The following L3MBTL4 variants were observed in gnomAD, a reference collection of about 807,000 sequenced individuals.
L3MBTL4 encodes lethal(3)malignant brain tumor-like protein 4.
A neutral mutation model predicts 84.5 loss-of-function variants in L3MBTL4; 70 were observed. That is an observed-to-expected ratio of 0.83 (90% CI 0.68 to 1.01). The LOEUF is 1.01. Among genes scored for constraint, L3MBTL4 ranks in the 50% least tolerant of loss-of-function variants. The pLI is 0.00. For synonymous variants in L3MBTL4, 274 were observed against 259.8 expected, an observed-to-expected ratio of 1.05 and a Z score of -0.52; for missense variants, 715 against 754.8, an observed-to-expected ratio of 0.95 and a Z score of 0.62.
chr18:5,967,576 A>G (rs1175848092), intron 17 of L3MBTL4, among the ~76,000 whole-genome samples: 2 of 152,190 alleles, frequency 1.3e-5, no homozygotes, highest in Non-Finnish European at 2.9e-5. Flanking sequence ...CATTCATTCA[A>G]CACACATTTA....
At chr18:5,964,350 T>G (rs1030967708) in intron 17 of L3MBTL4, among the ~76,000 whole-genome samples, 1 of 152,222 alleles carries the variant, frequency 6.6e-6, no homozygotes, top group African/African-American at 2.4e-5. Flanking sequence ...GCAGGACTCA[T>G]GTTCTTCCGT....
intron 12 of L3MBTL4, among the ~76,000 whole-genome samples, chr18:6,186,494 A>G (rs1381077932): frequency 6.6e-6 from 1 of 152,198 alleles, no homozygotes; most frequent in Non-Finnish European, 1.5e-5. Context: ...TGGGGAGGAC[A>G]TGGGATAAAC....
chr18:6,324,511 C>T (rs2051610753), intron 1 of L3MBTL4, among the ~76,000 whole-genome samples: 1 of 152,234 alleles, frequency 6.6e-6, no homozygotes, highest in Non-Finnish European at 1.5e-5. Flanking sequence ...AGGCACTCAA[C>T]TCAGGCTTGT....
At chr18:6,212,166 T>C (rs546345880) in intron 12 of L3MBTL4, among the ~76,000 whole-genome samples, 17 of 152,284 alleles carry the variant, frequency 1.1e-4, no homozygotes, top group African/African-American at 4.1e-4. Context: ...TTTAACATAG[T>C]TTTTGTTTTC....
intron 12 of L3MBTL4, among the ~76,000 whole-genome samples, chr18:6,182,713 T>C (rs2044532031): frequency 6.6e-6 from 1 of 152,240 alleles, no homozygotes; most frequent in South Asian, 2.1e-4. Context: ...AGTTTATTTT[T>C]GTACATGGTG....
intron 16 of L3MBTL4, among the ~76,000 whole-genome samples, chr18:5,982,646 T>C (rs377113829): frequency 6.6e-6 from 1 of 152,296 alleles, no homozygotes. Flanking sequence ...TATAAATTAG[T>C]TCATTTCAGA....
chr18:6,194,345 C>A (rs1305387299), intron 12 of L3MBTL4, among the ~76,000 whole-genome samples: 1 of 152,196 alleles, frequency 6.6e-6, no homozygotes, highest in Admixed American at 6.5e-5. Context: ...GCCTTCCCGC[C>A]TCTGTAAACC....
At chr18:6,077,128 C>T (rs1003068439) in intron 16 of L3MBTL4, among the ~76,000 whole-genome samples, 2 of 152,196 alleles carry the variant, frequency 1.3e-5, no homozygotes, top group South Asian at 2.1e-4. Flanking sequence ...AAGGGGCTCG[C>T]GGTGTTGCCA....
intron 16 of L3MBTL4, among the ~76,000 whole-genome samples, chr18:6,015,138 C>T (rs1047292312): frequency 3.3e-5 from 5 of 152,030 alleles, no homozygotes; most frequent in African/African-American, 1.2e-4. Context: ...GAGATGAGGG[C>T]TGAAGACACA....
intron 8 of L3MBTL4, 82 bp downstream of exon 8, chr18:6,241,276 A>C: frequency 1.2e-6 from 1 of 828,318 alleles, no homozygotes; most frequent in Non-Finnish European, 2.0e-6. Flanking sequence ...TAAAGGATTA[A>C]AATAAAACAG....
At chr18:6,080,264 A>G (rs2058029902) in intron 16 of L3MBTL4, 1 of 152,278 alleles carries the variant, frequency 6.6e-6, no homozygotes. Context: ...CAGGTGGGCT[A>G]ATAGAAATTA....
intron 12 of L3MBTL4, among the ~76,000 whole-genome samples, chr18:6,204,366 G>C (rs1271939670): frequency 6.6e-6 from 1 of 152,170 alleles, no homozygotes; most frequent in African/African-American, 2.4e-5. Context: ...TACTGCTTGG[G>C]CTGGGGCCCC....
At chr18:6,339,210 A>G (rs1185899182) in intron 1 of L3MBTL4, among the ~76,000 whole-genome samples, 1 of 152,230 alleles carries the variant, frequency 6.6e-6, no homozygotes, top group Non-Finnish European at 1.5e-5. Flanking sequence ...ATGTCCTTCA[A>G]AAGCACTTGA....
intron 1 of L3MBTL4, among the ~76,000 whole-genome samples, chr18:6,365,788 A>G (rs1191792605): frequency 6.6e-6 from 1 of 152,238 alleles, no homozygotes; most frequent in African/African-American, 2.4e-5. Flanking sequence ...TGATTTTCAA[A>G]TTATCACTAG....
Position 6,357,325 on chromosome 18 carries a change from T to C in L3MBTL4, c.-90-45269A>G, listed in dbSNP as rs1388784594. ...ATTCTGTGAAATTCCTAAGTATTTA[T>C]TGGGTGGAACTTCAGAAGAAAAAAT... is the stretch of plus-strand genomic sequence containing the variant. On this transcript the variant is annotated intron_variant, in intron 1 of 18. Transcript: ENST00000317931. Among the ~76,000 whole-genome samples, 11 of 152,340 alleles carry C rather than the reference T, an allele frequency of 7.2e-5. No homozygotes were observed. The East Asian group carries it at 2.1e-3, about 29-fold the overall frequency.
At chr18:6,264,142 G>A (rs1401154730) in intron 4 of L3MBTL4, 104 bp from the exon 5 acceptor site, 1 of 831,332 alleles carries the variant, frequency 1.2e-6, no homozygotes, top group East Asian at 2.5e-5. Context: ...TAGTTAAATT[G>A]GTAGTTGAAA....
At position 6,174,512 on chromosome 18, in the gene L3MBTL4, T is replaced by C. The variant is rs550045800; in HGVS notation, c.982-2570A>G. Among the ~76,000 whole-genome samples, 315 of 152,224 alleles carry C rather than the reference T, an allele frequency of 2.1e-3. 3 individuals are homozygous for C. Among genetic ancestry groups the C allele is most frequent in the Non-Finnish European group, 3.5e-3 (237 of 68,002 alleles). ...GATGGCAATAATAGGAGATTGGAGA[T>C]GGCAGAAAAACAGATGAGTGAATAT... On this transcript the variant is annotated intron_variant, in intron 12 of 18. Transcript: ENST00000317931.
intron 10 of L3MBTL4, among the ~76,000 whole-genome samples, chr18:6,223,616 G>T (rs995639241): frequency 2.6e-5 from 4 of 152,194 alleles, no homozygotes; most frequent in African/African-American, 9.7e-5. Context: ...AATACGTACA[G>T]TATAAGATGA....
chr18:6,185,152 GA>G (rs1392105977), intron 12 of L3MBTL4, among the ~76,000 whole-genome samples: 1 of 152,198 alleles, frequency 6.6e-6, no homozygotes, highest in Admixed American at 6.5e-5. Flanking sequence ...GCAGACAAAT[GA>G]AAAGTCATTC....
Sources: allele counts gnomAD v4.1 joint callset (sites outside exome capture counted in the v4.1 genomes callset), GRCh38; gene constraint gnomAD v4.1.1; transcripts MANE v1.5; gene names NCBI Gene and HGNC (gene_info 2026-07-23, HGNC 2026-07-21).